The following PCDH19 variants were observed in gnomAD, a reference collection of about 807,000 sequenced individuals.
The protein encoded by PCDH19 is protocadherin 19, also known as protocadherin-19.
A neutral mutation model predicts 46.2 loss-of-function variants in PCDH19; 6 were observed. The observed-to-expected ratio is 0.13, with a 90% confidence interval of 0.07 to 0.26. The LOEUF is 0.26. PCDH19 is among the 10% of genes least tolerant of loss of function. The pLI, the probability that PCDH19 is intolerant of heterozygous loss-of-function variation, is 1.00. For missense variants in PCDH19, 740 were observed against 972.3 expected (o/e 0.76, Z 3.18); for synonymous variants, 481 against 415.7 (o/e 1.16, Z -1.91).
chrX:100,338,505 G>C (rs750052983), intron 5 of PCDH19, among the ~76,000 whole-genome samples: 1 of 87,949 alleles, frequency 1.1e-5, no homozygotes, highest in African/African-American at 4.4e-5. Context: ...CTGGGTGACA[G>C]AGTGAGACTC....
At chrX:100,307,989 A>G (rs1021673885) in intron 5 of PCDH19, among the ~76,000 whole-genome samples, 3 of 111,226 alleles carry the variant, frequency 2.7e-5, no homozygotes, top group Non-Finnish European at 5.7e-5. Flanking sequence ...TACAAGTTCA[A>G]TGCAATTCCC....
rs1420547571 is a variant in PCDH19 at position 100,342,669 on chromosome X, A to G, written c.2676-594T>C. Among the ~76,000 whole-genome samples, 3 of 112,302 alleles carry G rather than the reference A, an allele frequency of 2.7e-5. No homozygotes were observed. The East Asian group carries it at 8.4e-4, about 31-fold the overall frequency. On this transcript the variant is annotated intron_variant, in intron 4 of 5. Transcript: ENST00000373034. ...CCAGAGCCTGCCTAGAAATTTAACC[A>G]CTATGTACACTGATTCTTAAAAGAT...
chrX:100,300,660 G>A (rs1924747041), intron 5 of PCDH19, among the ~76,000 whole-genome samples: 1 of 111,565 alleles, frequency 9.0e-6, no homozygotes, highest in Admixed American at 9.6e-5. Flanking sequence ...TGATGAATTT[G>A]TAAATTGGTT....
At chrX:100,317,771 C>A (rs962459600) in intron 5 of PCDH19, among the ~76,000 whole-genome samples, 2 of 110,848 alleles carry the variant, frequency 1.8e-5, no homozygotes, top group African/African-American at 6.6e-5. Context: ...GCCTCCTTCC[C>A]ACACACACAT....
intron 5 of PCDH19, among the ~76,000 whole-genome samples, chrX:100,338,273 C>T (rs1416150972): frequency 3.1e-5 from 3 of 95,695 alleles, no homozygotes; most frequent in African/African-American, 1.2e-4. Flanking sequence ...ACCCGGGAGG[C>T]GGAGCTTGCA....
At chrX:100,355,687 T>G (rs908670186) in intron 3 of PCDH19, among the ~76,000 whole-genome samples, 2 of 111,647 alleles carry the variant, frequency 1.8e-5, no homozygotes, top group African/African-American at 6.5e-5. Context: ...GTTTCTGTGT[T>G]TGTTTGTTAG....
chrX:100,314,544 A>G (rs1483497202), intron 5 of PCDH19, among the ~76,000 whole-genome samples: 2 of 112,266 alleles, frequency 1.8e-5, no homozygotes, highest in Non-Finnish European at 3.8e-5. Context: ...TTTAGAAAGT[A>G]AAAGGTTATG....
At position 100,318,171 on chromosome X, in the gene PCDH19, G is replaced by A. The variant is rs899768417; in HGVS notation, c.2849-21296C>T. Among the ~76,000 whole-genome samples, 3 of 111,713 alleles carry A rather than the reference G, an allele frequency of 2.7e-5. No homozygotes were observed. The East Asian group carries it at 8.5e-4, about 32-fold the overall frequency. ...AGTCTAAGACTATGGGCTCTGGAGCGAGACTACCTTAGAGTCCCAGATCTA... is the reference window on the plus strand; with the variant it reads ...AGTCTAAGACTATGGGCTCTGGAGCAAGACTACCTTAGAGTCCCAGATCTA... On this transcript the variant is annotated intron_variant, in intron 5 of 5. Coordinates refer to ENST00000373034, the MANE Select transcript of PCDH19 (RefSeq NM_001184880.2).
chrX:100,379,304 TACACACACACAC>T (rs200896147), intron 3 of PCDH19, among the ~76,000 whole-genome samples: 1 of 41,599 alleles, frequency 2.4e-5, no homozygotes, highest in African/African-American at 8.3e-5. Context: ...ATCTGTCACA[TACACACACACAC>T]ACACACACAC....
intron 3 of PCDH19, among the ~76,000 whole-genome samples, chrX:100,369,468 T>C (rs1285244478): frequency 8.9e-6 from 1 of 112,290 alleles, no homozygotes; most frequent in Non-Finnish European, 1.9e-5. Flanking sequence ...CGAATTGCCC[T>C]TGCTGAGTAT....
intron 4 of PCDH19, among the ~76,000 whole-genome samples, chrX:100,347,114 T>C (rs1926427610): frequency 9.1e-6 from 1 of 110,229 alleles, no homozygotes; most frequent in African/African-American, 3.3e-5. Context: ...GATTCCTTGG[T>C]GCATAAAATT....
intron 5 of PCDH19, among the ~76,000 whole-genome samples, chrX:100,322,336 A>G (rs764010832): frequency 9.1e-6 from 1 of 109,770 alleles, no homozygotes; most frequent in Non-Finnish European, 1.9e-5. Context: ...TCCTTCCCCA[A>G]CTTTATGTTT....
chrX:100,380,129 T>C (rs1927509075), intron 3 of PCDH19, among the ~76,000 whole-genome samples: 1 of 112,430 alleles, frequency 8.9e-6, no homozygotes, highest in African/African-American at 3.2e-5. Flanking sequence ...CTCTTTCCAC[T>C]TTTTTAACGA....
At chrX:100,367,252 T>C (rs774877900) in intron 3 of PCDH19, among the ~76,000 whole-genome samples, 3 of 111,986 alleles carry the variant, frequency 2.7e-5, no homozygotes, top group Non-Finnish European at 5.6e-5. Context: ...TGGGAGACGC[T>C]AGGGATCTGG....
In PCDH19 at chrX:100,322,677, T is replaced by C. The variant is rs767784873; in HGVS notation, c.2848+19226A>G. On this transcript the variant is annotated intron_variant, in intron 5 of 5. Coordinates refer to ENST00000373034, the MANE Select transcript of PCDH19 (RefSeq NM_001184880.2). ...TGGGGATTGCATTGAATTTGTAGAT[T>C]GCTTTTGGCATTATGGTCATTTTCA... Among the ~76,000 whole-genome samples, 4 of 107,392 alleles carry C rather than the reference T, an allele frequency of 3.7e-5. No individual in the cohort carries two copies. In the East Asian group the frequency reaches 1.2e-3, roughly 31 times the overall value. 93.3% of individuals were successfully genotyped at this position (107,392 alleles called of 115,157 possible).
At chrX:100,369,486 C>T (rs1022451984) in intron 3 of PCDH19, among the ~76,000 whole-genome samples, 8 of 112,317 alleles carry the variant, frequency 7.1e-5, no homozygotes, top group African/African-American at 2.6e-4. Flanking sequence ...TATGTGAAAG[C>T]TGTTGTGCTG....
intron 3 of PCDH19, among the ~76,000 whole-genome samples, chrX:100,355,817 T>C (rs1926696318): frequency 9.0e-6 from 1 of 111,484 alleles, no homozygotes; most frequent in African/African-American, 3.3e-5. Context: ...TTAGTAAGTC[T>C]GGCATATCAG....
intron 3 of PCDH19, among the ~76,000 whole-genome samples, chrX:100,378,428 GCTCA>G (rs1242838975): frequency 3.6e-5 from 4 of 112,246 alleles, no homozygotes; most frequent in Non-Finnish European, 7.5e-5. Context: ...TCTTTTTCAA[GCTCA>G]CTAACAGTAA....
At position 100,293,462 on chromosome X, in the gene PCDH19, G is replaced by A. The variant is rs891435177; in HGVS notation, c.*2815C>T. On this transcript the variant is annotated 3_prime_UTR_variant, in exon 6 of 6. Coordinates refer to ENST00000373034, the MANE Select transcript of PCDH19 (RefSeq NM_001184880.2). The stretch of plus-strand genomic sequence containing the variant: ...CAAAAGGGAGAATATTTGGCCCTGT[G>A]AACCTTGTAGCTTTTCACCAGACAT... The A allele has an allele frequency of 1.0e-5, 1 of 96,495 alleles. No individual in the cohort carries two copies. The highest frequency in any genetic ancestry group is 2.0e-5 in the Non-Finnish European group (1 of 49,295). 8.0% of individuals were successfully genotyped at this position (96,495 alleles called of 1,213,427 possible). A position where few individuals can be genotyped will look rare whatever the true frequency, so the allele number is the denominator to read the frequency against.
Sources: allele counts gnomAD v4.1 joint callset (sites outside exome capture counted in the v4.1 genomes callset), GRCh38; gene constraint gnomAD v4.1.1; transcripts MANE v1.5; gene names NCBI Gene and HGNC (gene_info 2026-07-23, HGNC 2026-07-21).